The following MAPRE2 variants were observed in gnomAD, a reference collection of about 807,000 sequenced individuals.
The protein encoded by MAPRE2 is microtubule-associated protein RP/EB family member 2.
In MAPRE2, 13 loss-of-function variants were observed where a neutral mutation model predicts 43.2. The ratio of observed to expected loss-of-function variants is 0.30; its 90% CI spans 0.20 to 0.48. MAPRE2 has a LOEUF of 0.48. MAPRE2 is among the 20% of genes least tolerant of loss of function. The pLI, the probability that MAPRE2 is intolerant of heterozygous loss-of-function variation, is 0.99. For synonymous variants in MAPRE2, 135 were observed against 148.8 expected, an observed-to-expected ratio of 0.91 and a Z score of 0.68; for missense variants, 161 against 400.2, an observed-to-expected ratio of 0.40 and a Z score of 5.10.
chr18:35,006,138 C>G lies in MAPRE2; in HGVS notation c.-8+585C>G, dbSNP rs73949047. 2.8e-3 allele frequency among the ~76,000 whole-genome samples: 430 copies of G among 152,200 alleles called. 2 individuals are homozygous for G. The highest frequency in any genetic ancestry group is 0.01 in the African/African-American group (420 of 41,528). ...TCTTCAAGAGTCACCTCCAGGAGCC[C>G]TTAGAACAAAGGAACAATTAACTGA... On this transcript the variant is annotated intron_variant, in intron 2 of 7. Transcript: ENST00000413393.
intron 2 of MAPRE2, among the ~76,000 whole-genome samples, chr18:35,020,777 G>A (rs1400198946): frequency 5.9e-5 from 9 of 151,960 alleles, no homozygotes; most frequent in South Asian, 4.2e-4. Flanking sequence ...TGATATTTTC[G>A]TTGTATAGTG....
chr18:35,115,346 A>T (rs1326715729), intron 4 of MAPRE2, among the ~76,000 whole-genome samples: 4 of 152,208 alleles, frequency 2.6e-5, no homozygotes, highest in Non-Finnish European at 5.9e-5. Context: ...TACACTACAC[A>T]GTAGCTCAGA....
At chr18:35,024,267 C>T (rs901816214) in intron 2 of MAPRE2, among the ~76,000 whole-genome samples, 17 of 152,122 alleles carry the variant, frequency 1.1e-4, no homozygotes, top group African/African-American at 3.9e-4. Context: ...TCTTTGTCCT[C>T]GTTCCTAAAG....
chr18:35,047,567 C>A (rs936748454), intron 1 of MAPRE2, among the ~76,000 whole-genome samples: 1 of 152,042 alleles, frequency 6.6e-6, no homozygotes, highest in African/African-American at 2.4e-5. Flanking sequence ...TACCTTATAG[C>A]ATAAATCAAA....
intron 1 of MAPRE2, chr18:34,988,726 A>T (rs1006413747): frequency 6.6e-6 from 1 of 152,228 alleles, no homozygotes; most frequent in Non-Finnish European, 1.5e-5. Flanking sequence ...TGTCCACGTC[A>T]GCCACACACT....
chr18:35,114,981 A>G (rs1165812744), intron 4 of MAPRE2, among the ~76,000 whole-genome samples: 1 of 152,204 alleles, frequency 6.6e-6, no homozygotes, highest in Non-Finnish European at 1.5e-5. Context: ...AGAATATCAT[A>G]GATTGTCTGT....
At chr18:35,067,619 C>T (rs1250932894) in intron 1 of MAPRE2, among the ~76,000 whole-genome samples, 2 of 151,968 alleles carry the variant, frequency 1.3e-5, no homozygotes, top group African/African-American at 4.8e-5. Context: ...TGGTTTGGTG[C>T]CATCTAGCAT....
In MAPRE2 at chr18:35,101,783, A is replaced by G. The variant is rs539562570; in HGVS notation, c.397-163A>G. Among the ~76,000 whole-genome samples, 49 of 152,254 alleles carry G rather than the reference A, an allele frequency of 3.2e-4. No homozygotes were observed. The East Asian group carries it at 7.3e-3, about 23-fold the overall frequency. The stretch of plus-strand genomic sequence containing the variant: ...TGTACCACATTTTCTTTATCCATTC[A>G]TCTGTTGATGGACACTTAGGTTGCT... On this transcript the variant is annotated intron_variant, in intron 3 of 6. Transcript: ENST00000300249.
At chr18:35,069,484 G>A (rs1351556457) in intron 1 of MAPRE2, among the ~76,000 whole-genome samples, 1 of 152,078 alleles carries the variant, frequency 6.6e-6, no homozygotes, top group African/African-American at 2.4e-5. Flanking sequence ...GGTAGGCTAG[G>A]ATGGGATTGA....
At chr18:35,082,315 C>T (rs930098013) in intron 2 of MAPRE2, 1 of 146,022 alleles carries the variant, frequency 6.8e-6, no homozygotes, top group African/African-American at 2.5e-5. Flanking sequence ...AAAAAAAATA[C>T]ATACGTTCTG....
intron 1 of MAPRE2, among the ~76,000 whole-genome samples, chr18:35,000,837 CTG>C (rs2097028932): frequency 6.6e-6 from 1 of 152,148 alleles, no homozygotes; most frequent in South Asian, 2.1e-4. Context: ...GCAAGTTCCT[CTG>C]TGTGTGTTGG....
At chr18:34,990,869 C>T (rs916786977) in intron 1 of MAPRE2, among the ~76,000 whole-genome samples, 15 of 152,120 alleles carry the variant, frequency 9.9e-5, no homozygotes, top group Non-Finnish European at 2.1e-4. Flanking sequence ...AAAAGAAACA[C>T]ACAAAAAATT....
At chr18:35,028,571 T>C (rs1359667479) in intron 2 of MAPRE2, among the ~76,000 whole-genome samples, 1 of 152,154 alleles carries the variant, frequency 6.6e-6, no homozygotes, top group Non-Finnish European at 1.5e-5. Flanking sequence ...TAGAGAACTA[T>C]TCTAAATGAC....
At chr18:34,978,204 A>C in intron 1 of MAPRE2, 1 of 442,128 alleles carries the variant, frequency 2.3e-6, no homozygotes, top group Admixed American at 4.3e-5. Context: ...ACTTGTTCAC[A>C]TCTCCTTTTC....
At chr18:35,054,728 G>GT (rs1016104558) in intron 1 of MAPRE2, among the ~76,000 whole-genome samples, 1 of 152,054 alleles carries the variant, frequency 6.6e-6, no homozygotes, top group African/African-American at 2.4e-5. Context: ...TGATTACTTG[G>GT]TTTTTTTCCT....
At chr18:35,040,479 A>G (rs1353338824), upstream of MAPRE2, among the ~76,000 whole-genome samples, 1 of 152,216 alleles carries the variant, frequency 6.6e-6, no homozygotes, top group Non-Finnish European at 1.5e-5. Context: ...GTGTGACCTT[A>G]AGCAGTTTAC....
At chr18:35,103,341 G>C (rs1569004593) in intron 4 of MAPRE2, among the ~76,000 whole-genome samples, 2 of 152,212 alleles carry the variant, frequency 1.3e-5, no homozygotes, top group Middle Eastern at 3.4e-3. Flanking sequence ...TGAATGCTGG[G>C]ATAAAAGAGA....
intron 4 of MAPRE2, among the ~76,000 whole-genome samples, chr18:35,112,879 G>T (rs1909242925): frequency 6.6e-6 from 1 of 152,214 alleles, no homozygotes; most frequent in Admixed American, 6.5e-5. Flanking sequence ...TGGGGACTGG[G>T]AAGTCCAAGA....
chr18:35,103,300 G>A (rs1019183357), intron 4 of MAPRE2, among the ~76,000 whole-genome samples: 2 of 152,144 alleles, frequency 1.3e-5, no homozygotes, highest in African/African-American at 4.8e-5. Context: ...GAGTTGTTAG[G>A]AGGCAAAATA....
Sources: gnomAD v4.1 joint callset for allele counts (sites outside exome capture counted in the v4.1 genomes callset) on GRCh38, gnomAD v4.1.1 for gene constraint, MANE v1.5 for transcripts, NCBI Gene and HGNC (gene_info 2026-07-23, HGNC 2026-07-21) for gene names.